The following INPP4B variants were observed in gnomAD, a reference collection of about 807,000 sequenced individuals.
INPP4B encodes the protein inositol polyphosphate-4-phosphatase type II B, also known as inositol polyphosphate 4-phosphatase type II.
INPP4B carries 55 observed loss-of-function variants against 122.5 expected under a neutral mutation model. The observed-to-expected ratio is 0.45, with a 90% CI of 0.36 to 0.56. The LOEUF (loss-of-function observed/expected upper bound fraction) is 0.56. INPP4B is among the 20% of genes least tolerant of loss of function. The pLI, the probability that INPP4B is intolerant of heterozygous loss-of-function variation, is 0.00. For synonymous variants in INPP4B, 403 were observed against 388.7 expected (o/e 1.04, Z -0.43); for missense variants, 1,000 against 1,097.7 (o/e 0.91, Z 1.26).
At chr4:142,710,522 A>T (rs1250506152) in intron 2 of INPP4B, among the ~76,000 whole-genome samples, 3 of 152,184 alleles carry the variant, frequency 2.0e-5, no homozygotes, top group East Asian at 3.9e-4. Context: ...GCATTTTTTT[A>T]AAAAGATAAT....
Position 142,112,671 on chromosome 4 carries a change from A to G in INPP4B, c.2147T>C (p.Val716Ala), listed in dbSNP as rs1167925196. 1 of 1,611,260 alleles carries G rather than the reference A, an allele frequency of 6.2e-7. No individual in the cohort carries two copies. The highest frequency in any genetic ancestry group is 8.5e-7 in the Non-Finnish European group (1 of 1,179,036). ...TCTGGCTGGAAGCTTGACCTCTACC[A>G]CGTAATGTTCTCTAAAGAAGGCAGA... ...PVITGRREHYVVEVKLPARMF... is the reference protein window; with the variant it reads ...PVITGRREHYAVEVKLPARMF... The change falls in exon 22 of 26, where the codon GTG becomes GCG. Residue 716 changes from valine to alanine, a missense_variant. Coordinates refer to ENST00000262992, the MANE Select transcript of INPP4B (RefSeq NM_001101669.3).
At chr4:142,699,548 G>A (rs1425017086) in intron 2 of INPP4B, among the ~76,000 whole-genome samples, 1 of 152,094 alleles carries the variant, frequency 6.6e-6, no homozygotes, top group Non-Finnish European at 1.5e-5. Flanking sequence ...ATACTGGCCA[G>A]CGTTGCTTTA....
At chr4:142,416,785 T>C (rs1805864240) in intron 5 of INPP4B, among the ~76,000 whole-genome samples, 1 of 152,166 alleles carries the variant, frequency 6.6e-6, no homozygotes, top group Non-Finnish European at 1.5e-5. Flanking sequence ...AATCTCAATA[T>C]TCATTTGACT....
intron 2 of INPP4B, among the ~76,000 whole-genome samples, chr4:142,598,079 G>A (rs1739099372): frequency 6.6e-6 from 1 of 152,170 alleles, no homozygotes; most frequent in Non-Finnish European, 1.5e-5. Context: ...AGAACACCTA[G>A]GAGAGGACAC....
chr4:142,239,859 T>C (rs1030523675), intron 11 of INPP4B, among the ~76,000 whole-genome samples: 2 of 152,068 alleles, frequency 1.3e-5, no homozygotes, highest in African/African-American at 4.8e-5. Context: ...AGAGTCAGTA[T>C]AAGTGCTATT....
intron 2 of INPP4B, among the ~76,000 whole-genome samples, chr4:142,565,867 C>T (rs746454749): frequency 6.6e-6 from 1 of 152,098 alleles, no homozygotes; most frequent in Non-Finnish European, 1.5e-5. Flanking sequence ...TTTCTGGTAT[C>T]CTTGCCAAAA....
intron 11 of INPP4B, among the ~76,000 whole-genome samples, chr4:142,252,594 G>A (rs911544648): frequency 6.6e-6 from 1 of 152,138 alleles, no homozygotes; most frequent in Non-Finnish European, 1.5e-5. Context: ...AGTACTATAT[G>A]TCTCAATTTT....
At chr4:142,446,727 T>A (rs535651786) in intron 3 of INPP4B, among the ~76,000 whole-genome samples, 11 of 152,220 alleles carry the variant, frequency 7.2e-5, no homozygotes, top group African/African-American at 2.6e-4. Context: ...CACAAAGTAC[T>A]GAGAAAAGAG....
intron 2 of INPP4B, among the ~76,000 whole-genome samples, chr4:142,650,852 A>G (rs1368671749): frequency 1.3e-5 from 2 of 152,216 alleles, no homozygotes; most frequent in Non-Finnish European, 2.9e-5. Context: ...ACTTGAACAC[A>G]GCTCTGGATC....
At chr4:142,346,177 C>A (rs1342851049) in intron 7 of INPP4B, among the ~76,000 whole-genome samples, 2 of 152,016 alleles carry the variant, frequency 1.3e-5, no homozygotes, top group African/African-American at 4.8e-5. Context: ...ATGGTCTCTG[C>A]AGCCTAGGGA....
chr4:142,405,609 C>T (rs1431419669), intron 5 of INPP4B, among the ~76,000 whole-genome samples: 3 of 152,086 alleles, frequency 2.0e-5, no homozygotes, highest in African/African-American at 7.2e-5. Flanking sequence ...ACACATGGCT[C>T]AGAAACCTCA....
At chr4:142,248,583 TC>T (rs1228230486) in intron 11 of INPP4B, among the ~76,000 whole-genome samples, 1 of 151,820 alleles carries the variant, frequency 6.6e-6, no homozygotes, top group Non-Finnish European at 1.5e-5. Flanking sequence ...AGGTGACCTG[TC>T]CACTTCAGCC....
intron 17 of INPP4B, among the ~76,000 whole-genome samples, chr4:142,159,065 A>C (rs1818705297): frequency 6.6e-6 from 1 of 151,986 alleles, no homozygotes; most frequent in Non-Finnish European, 1.5e-5. Flanking sequence ...TATATTACTT[A>C]AGAAACATAT....
chr4:142,722,706 C>T (rs925275319), intron 2 of INPP4B, among the ~76,000 whole-genome samples: 3 of 152,120 alleles, frequency 2.0e-5, no homozygotes, highest in African/African-American at 7.2e-5. Context: ...TTTAAATACT[C>T]ATTGGGAGCA....
intron 1 of INPP4B, among the ~76,000 whole-genome samples, chr4:142,820,092 G>A (rs989106874): frequency 6.6e-6 from 1 of 152,054 alleles, no homozygotes; most frequent in Non-Finnish European, 1.5e-5. Context: ...GTACCTCCAG[G>A]TTAGGCTATT....
chr4:142,061,865 T>TACAC (rs1198104747), intron 25 of INPP4B, among the ~76,000 whole-genome samples: 23 of 41,406 alleles, frequency 5.6e-4, no homozygotes, highest in South Asian at 1.6e-3. Flanking sequence ...TATATATATG[T>TACAC]ACACACACAC....
At chr4:142,262,984 G>T (rs777797713) in intron 10 of INPP4B, among the ~76,000 whole-genome samples, 31 of 152,202 alleles carry the variant, frequency 2.0e-4, no homozygotes, top group Non-Finnish European at 3.2e-4. Flanking sequence ...GGTATCATCA[G>T]TAAGACATTT....
intron 1 of INPP4B, among the ~76,000 whole-genome samples, chr4:142,837,493 C>T (rs1023356852): frequency 5.9e-5 from 9 of 151,964 alleles, no homozygotes; most frequent in South Asian, 4.1e-4. Flanking sequence ...AATAAGTTTT[C>T]GAACATTTAA....
intron 25 of INPP4B, among the ~76,000 whole-genome samples, chr4:142,040,987 G>A (rs1747112516): frequency 6.6e-6 from 1 of 152,126 alleles, no homozygotes; most frequent in Non-Finnish European, 1.5e-5. Flanking sequence ...CACGACACCT[G>A]GCTTCCCTTG....
Sources: gnomAD v4.1 joint callset for allele counts (sites outside exome capture counted in the v4.1 genomes callset) on GRCh38, gnomAD v4.1.1 for gene constraint, MANE v1.5 for transcripts, NCBI Gene and HGNC (gene_info 2026-07-23, HGNC 2026-07-21) for gene names.